DAB1: variants seen among roughly 807,000 people sequenced by gnomAD.
The protein encoded by DAB1 is DAB adaptor protein 1, also known as disabled homolog 1.
Under a neutral mutation model 64.6 loss-of-function variants are expected in DAB1, and 15 were observed. The ratio of observed to expected loss-of-function variants is 0.23; its 90% CI spans 0.16 to 0.36. The LOEUF (loss-of-function observed/expected upper bound fraction) is 0.36, where lower values mean the gene tolerates loss of function less well. Ranked by LOEUF, DAB1 falls within the 10% of genes least tolerant of loss-of-function variation. DAB1 has a pLI of 1.00. For missense variants in DAB1, 596 were observed against 706.7 expected, an observed-to-expected ratio of 0.84 and a Z score of 1.78; for synonymous variants, 235 against 251.9, an observed-to-expected ratio of 0.93 and a Z score of 0.64.
At chr1:57,065,500 G>A (rs1430136107) in intron 8 of DAB1, among the ~76,000 whole-genome samples, 8 of 152,038 alleles carry the variant, frequency 5.3e-5, no homozygotes, top group Non-Finnish European at 1.2e-4. Flanking sequence ...ACTGTTCCAG[G>A]GTCTATAAGC....
intron 5 of DAB1, among the ~76,000 whole-genome samples, chr1:58,026,425 GGATGGT>G (rs1254809436): frequency 2.0e-5 from 3 of 152,126 alleles, no homozygotes; most frequent in African/African-American, 4.8e-5. Flanking sequence ...CCCTGAGTGA[GGATGGT>G]GATGGTATCA....
chr1:57,475,200 C>A (rs1643919591), intron 7 of DAB1, among the ~76,000 whole-genome samples: 1 of 152,168 alleles, frequency 6.6e-6, no homozygotes, highest in Non-Finnish European at 1.5e-5. Flanking sequence ...TCGCTTGAAC[C>A]CAGGAGGTGG....
At chr1:57,047,301 A>T (rs1648629182) in intron 9 of DAB1, among the ~76,000 whole-genome samples, 1 of 152,206 alleles carries the variant, frequency 6.6e-6, no homozygotes, top group African/African-American at 2.4e-5. Context: ...ATTGCTTGTT[A>T]TCCCTGTCTG....
chr1:57,155,206 T>C (rs1660093438), intron 2 of DAB1, among the ~76,000 whole-genome samples: 1 of 152,230 alleles, frequency 6.6e-6, no homozygotes, highest in Non-Finnish European at 1.5e-5. Flanking sequence ...TCTGTGTATA[T>C]GGCAAGAGAA....
intron 4 of DAB1, among the ~76,000 whole-genome samples, chr1:58,169,727 C>T (rs1387094651): frequency 6.6e-6 from 1 of 152,182 alleles, no homozygotes; most frequent in Non-Finnish European, 1.5e-5. Flanking sequence ...CTCCCTATAG[C>T]TCCCATTTCT....
intron 4 of DAB1, among the ~76,000 whole-genome samples, chr1:58,151,696 C>T (rs539518146): frequency 6.6e-6 from 1 of 152,282 alleles, no homozygotes; most frequent in South Asian, 2.1e-4. Context: ...ATTCAGCAAA[C>T]GGTTCCTGAA....
intron 1 of DAB1, among the ~76,000 whole-genome samples, chr1:57,303,787 T>C (rs1320403128): frequency 6.6e-6 from 1 of 152,170 alleles, no homozygotes; most frequent in Non-Finnish European, 1.5e-5. Flanking sequence ...GGGAACAACA[T>C]GATACCTAAT....
intron 2 of DAB1, among the ~76,000 whole-genome samples, chr1:57,227,859 T>C (rs1019716097): frequency 6.6e-6 from 1 of 152,138 alleles, no homozygotes; most frequent in Non-Finnish European, 1.5e-5. Context: ...GCCCAGCCAA[T>C]AGGCAGGATC....
chr1:57,875,451 A>G (rs181830019), intron 1 of DAB1, among the ~76,000 whole-genome samples: 19 of 152,224 alleles, frequency 1.2e-4, no homozygotes, highest in Non-Finnish European at 2.4e-4. Context: ...CATTCTTTCA[A>G]CAAGAACTAA....
intron 4 of DAB1, among the ~76,000 whole-genome samples, chr1:57,092,237 T>G (rs1557704398): frequency 6.6e-6 from 1 of 152,206 alleles, no homozygotes; most frequent in Non-Finnish European, 1.5e-5. Flanking sequence ...AGCACCATAC[T>G]GGACCCTAGA....
chr1:58,022,462 G>C (rs943881106), intron 5 of DAB1, among the ~76,000 whole-genome samples: 2 of 152,168 alleles, frequency 1.3e-5, no homozygotes, highest in African/African-American at 2.4e-5. Context: ...TTTGAGTACA[G>C]ATTTGCCTCC....
At chr1:57,260,925 C>A (rs1027302847) in intron 2 of DAB1, among the ~76,000 whole-genome samples, 3 of 152,188 alleles carry the variant, frequency 2.0e-5, no homozygotes, top group African/African-American at 7.2e-5. Context: ...TGCGTTCACA[C>A]TCTAGCTCTG....
chr1:58,078,797 AG>A (rs1456047219), intron 5 of DAB1, among the ~76,000 whole-genome samples: 2 of 152,184 alleles, frequency 1.3e-5, no homozygotes, highest in African/African-American at 4.8e-5. Context: ...TAAACACATG[AG>A]ATTACTATTC....
chr1:58,125,480 AC>A (rs1276405273), intron 5 of DAB1, among the ~76,000 whole-genome samples: 1 of 148,886 alleles, frequency 6.7e-6, no homozygotes, highest in African/African-American at 2.5e-5. Context: ...TCCCTGTGTC[AC>A]CCAGGCTGGA....
At chr1:57,944,497 C>T (rs1645155581) in intron 5 of DAB1, among the ~76,000 whole-genome samples, 1 of 152,064 alleles carries the variant, frequency 6.6e-6, no homozygotes, top group African/African-American at 2.4e-5. Context: ...TTTCTGTGCT[C>T]AATTAATAAC....
intron 7 of DAB1, among the ~76,000 whole-genome samples, chr1:57,563,460 C>T (rs565970811): frequency 6.6e-6 from 1 of 152,186 alleles, no homozygotes; most frequent in African/African-American, 2.4e-5. Flanking sequence ...GTGGGTGCAG[C>T]CCACCAAGCA....
chr1:57,667,266 T>G (rs1646459452), intron 6 of DAB1, among the ~76,000 whole-genome samples: 1 of 152,144 alleles, frequency 6.6e-6, no homozygotes, highest in Non-Finnish European at 1.5e-5. Context: ...TTTCCAGCAG[T>G]TTTGCATAGC....
chr1:57,540,649 C>A (rs1374638955), intron 7 of DAB1, among the ~76,000 whole-genome samples: 1 of 152,182 alleles, frequency 6.6e-6, no homozygotes, highest in Non-Finnish European at 1.5e-5. Context: ...ATTTGCATAT[C>A]CTGTCATTTG....
intron 5 of DAB1, among the ~76,000 whole-genome samples, chr1:57,894,439 T>G (rs1202834): frequency 6.6e-6 from 1 of 151,994 alleles, no homozygotes; most frequent in African/African-American, 2.4e-5. Flanking sequence ...ACATCTTAAA[T>G]TGATCCCACA....
Sources: allele counts gnomAD v4.1 joint callset (sites outside exome capture counted in the v4.1 genomes callset), GRCh38; gene constraint gnomAD v4.1.1; transcripts MANE v1.5; gene names NCBI Gene and HGNC (gene_info 2026-07-23, HGNC 2026-07-21).